The following RNF13 variants were observed in gnomAD, a reference collection of about 807,000 sequenced individuals.
RNF13 encodes the protein ring finger protein 13.
In RNF13, 19 loss-of-function variants were observed where a neutral mutation model predicts 37.7. That is an observed-to-expected ratio of 0.50 (90% CI 0.35 to 0.74). The LOEUF is 0.74. RNF13 is among the 30% of genes least tolerant of loss of function. The pLI is 0.01. For missense variants in RNF13, 375 were observed against 453.0 expected, an observed-to-expected ratio of 0.83 and a Z score of 1.56; for synonymous variants, 144 against 157.8, an observed-to-expected ratio of 0.91 and a Z score of 0.65.
At chr3:149,946,945 A>G (rs1489690452) in intron 8 of RNF13, among the ~76,000 whole-genome samples, 2 of 152,182 alleles carry the variant, frequency 1.3e-5, no homozygotes, top group African/African-American at 2.4e-5. Context: ...GCATTCCATC[A>G]GTTTTGGTAT....
chr3:149,844,447 T>C (rs1722455006), intron 1 of RNF13, among the ~76,000 whole-genome samples: 1 of 152,180 alleles, frequency 6.6e-6, no homozygotes, highest in Non-Finnish European at 1.5e-5. Context: ...TGCCCAGGGT[T>C]TATATTAGGG....
intron 1 of RNF13, among the ~76,000 whole-genome samples, chr3:149,822,754 G>A (rs540287374): frequency 3.9e-5 from 6 of 152,112 alleles, no homozygotes; most frequent in South Asian, 2.1e-4. Context: ...GTGTCAATAC[G>A]TAATTCATTT....
At chr3:149,844,689 CT>C (rs1418343666) in intron 1 of RNF13, among the ~76,000 whole-genome samples, 1 of 152,140 alleles carries the variant, frequency 6.6e-6, no homozygotes, top group Non-Finnish European at 1.5e-5. Flanking sequence ...TGTGTTAACT[CT>C]TTTCTGTACC....
At chr3:149,913,032 C>G (rs527980922) in intron 7 of RNF13, among the ~76,000 whole-genome samples, 107 of 152,194 alleles carry the variant, frequency 7.0e-4, no homozygotes, top group African/African-American at 2.4e-3. Context: ...TTGCCAACTT[C>G]TTTGTCATAA....
At chr3:149,862,499 C>T (rs1724364993) in intron 3 of RNF13, among the ~76,000 whole-genome samples, 1 of 151,960 alleles carries the variant, frequency 6.6e-6, no homozygotes, top group Admixed American at 6.6e-5. Context: ...ATTTTTTCTA[C>T]CATATATGCA....
intron 1 of RNF13, among the ~76,000 whole-genome samples, chr3:149,834,970 T>C (rs2108348056): frequency 6.6e-6 from 1 of 152,342 alleles, no homozygotes; most frequent in South Asian, 2.1e-4. Flanking sequence ...AATATCTGTA[T>C]GTAAAAGAAT....
chr3:149,939,746 G>A (rs987120190), intron 8 of RNF13: 22 of 640,694 alleles, frequency 3.4e-5, no homozygotes, highest in Admixed American at 7.4e-5. Flanking sequence ...CAACTGAAAA[G>A]ATAGTTCTGG....
chr3:149,904,136 A>G (rs1716153914), intron 6 of RNF13, among the ~76,000 whole-genome samples: 1 of 152,176 alleles, frequency 6.6e-6, no homozygotes, highest in Non-Finnish European at 1.5e-5. Flanking sequence ...TCATGAGTGT[A>G]TACTGTTGCT....
intron 3 of RNF13, among the ~76,000 whole-genome samples, chr3:149,869,038 CTT>C (rs1479066945): frequency 2.0e-5 from 3 of 151,632 alleles, no homozygotes; most frequent in African/African-American, 7.2e-5. Flanking sequence ...GCTTTTCACT[CTT>C]TTCTTTTTTC....
intron 4 of RNF13, among the ~76,000 whole-genome samples, chr3:149,879,040 C>A (rs1312214590): frequency 6.6e-6 from 1 of 152,134 alleles, no homozygotes; most frequent in Non-Finnish European, 1.5e-5. Context: ...ACTGCAAAAA[C>A]CCAATTTATA....
intron 6 of RNF13, among the ~76,000 whole-genome samples, chr3:149,904,495 C>G (rs902308502): frequency 2.6e-5 from 4 of 152,114 alleles, no homozygotes; most frequent in Non-Finnish European, 5.9e-5. Context: ...ATCCTCCTAC[C>G]TTAGCCTCCC....
chr3:149,843,184 A>G (rs1394198455), intron 1 of RNF13, among the ~76,000 whole-genome samples: 3 of 152,220 alleles, frequency 2.0e-5, no homozygotes, highest in African/African-American at 7.2e-5. Context: ...TGTATTAGAT[A>G]TAAGCAATCT....
intron 1 of RNF13, among the ~76,000 whole-genome samples, chr3:149,829,337 C>T (rs150351480): frequency 0.012 from 1,857 of 152,176 alleles, 32 homozygotes; most frequent in African/African-American, 0.042. Context: ...TGACCTCGGG[C>T]GATCCTCCTG....
At chr3:149,852,290 A>G (rs554814350) in intron 2 of RNF13, among the ~76,000 whole-genome samples, 73 of 152,344 alleles carry the variant, frequency 4.8e-4, no homozygotes, top group African/African-American at 1.8e-3. Flanking sequence ...TTGCTGCTCG[A>G]TAATATTTGA....
At chr3:149,895,386 C>A in intron 4 of RNF13, 87 bp from the exon 5 acceptor site, 1 of 765,496 alleles carries the variant, frequency 1.3e-6, no homozygotes, top group African/African-American at 1.8e-5. Flanking sequence ...CTTTTATTTA[C>A]TTCAGTAAGT....
chr3:149,889,403 CA>C (rs1247056881), intron 4 of RNF13, among the ~76,000 whole-genome samples: 1 of 150,008 alleles, frequency 6.7e-6, no homozygotes, highest in Non-Finnish European at 1.5e-5. Context: ...CTCCTGGATT[CA>C]AACGATTCTC....
At chr3:149,834,646 G>C (rs1721406261) in intron 1 of RNF13, among the ~76,000 whole-genome samples, 1 of 152,202 alleles carries the variant, frequency 6.6e-6, no homozygotes, top group South Asian at 2.1e-4. Flanking sequence ...TAGTTCTTTT[G>C]AGAACTGGTG....
intron 8 of RNF13, among the ~76,000 whole-genome samples, chr3:149,941,530 G>GTTTTTTTTTTTTTTTTTT: frequency 6.9e-6 from 1 of 144,408 alleles, no homozygotes; most frequent in African/African-American, 2.6e-5. Context: ...TTTAAATTAG[G>GTTTTTTTTTTTTTTTTTT]TTTTTTTTTT....
chr3:149,926,618 A>G (rs1718682781), intron 8 of RNF13, among the ~76,000 whole-genome samples: 1 of 152,148 alleles, frequency 6.6e-6, no homozygotes, highest in Non-Finnish European at 1.5e-5. Flanking sequence ...ATCCACATGA[A>G]TTGATTGTGT....
Sources: gnomAD v4.1 joint callset for allele counts (sites outside exome capture counted in the v4.1 genomes callset) on GRCh38, gnomAD v4.1.1 for gene constraint, MANE v1.5 for transcripts, NCBI Gene and HGNC (gene_info 2026-07-23, HGNC 2026-07-21) for gene names.